MYO1F: variants seen among roughly 807,000 people sequenced by gnomAD.
The protein encoded by MYO1F is unconventional myosin-If.
Under a neutral mutation model 146.6 loss-of-function variants are expected in MYO1F, and 60 were observed. The observed-to-expected ratio is 0.41, with a 90% CI of 0.33 to 0.51. The LOEUF is 0.51. Among genes scored for constraint, MYO1F ranks in the 20% least tolerant of loss-of-function variants. The pLI is 0.25. For missense variants in MYO1F, 1,274 were observed against 1,534.3 expected (o/e 0.83, Z 2.83); for synonymous variants, 602 against 602.1 (o/e 1.00, Z 0.00).
In MYO1F at chr19:8,548,027, G is replaced by T. The variant is rs1477115400; in HGVS notation, c.1269+9C>A. On this transcript the variant is annotated intron_variant, in intron 12 of 27. Transcript: ENST00000644032. ...AGGATCCCCCATCCCTGACTGCTTG[G>T]CCGCCCACCTGCTCGGCCTTCAGGG... 2 of 1,601,592 alleles carry T rather than the reference G, an allele frequency of 1.2e-6. No homozygotes were observed. The highest frequency in any genetic ancestry group is 2.7e-5 in the African/African-American group (2 of 74,212).
chr19:8,549,833 C>T (rs1432302895), intron 10 of MYO1F: 1 of 416,270 alleles, frequency 2.4e-6, no homozygotes, highest in Non-Finnish European at 4.5e-6. Flanking sequence ...CAGGGTCTTG[C>T]TCTGTCACCC....
intron 16 of MYO1F, among the ~76,000 whole-genome samples, chr19:8,538,719 C>G (rs1972834992): frequency 6.6e-6 from 1 of 151,972 alleles, no homozygotes; most frequent in African/African-American, 2.4e-5. Context: ...TCCCAAGTAG[C>G]TGGGACCACA....
chr19:8,541,596 T>C, intron 15 of MYO1F: 1 of 377,860 alleles, frequency 2.6e-6, no homozygotes, highest in Non-Finnish European at 5.1e-6. Flanking sequence ...GCCTAGGTAA[T>C]TTTTATAATT....
chr19:8,574,577 T>TTCTTTCTTTCTCTCTC (rs1335184271), intron 1 of MYO1F, among the ~76,000 whole-genome samples: 29 of 79,776 alleles, frequency 3.6e-4, no homozygotes, highest in South Asian at 9.6e-4. Flanking sequence ...CTTTCTTTCT[T>TTCTTTCTTTCTCTCTC]TCTCTCTCTC....
Position 8,522,504 on chromosome 19 carries a change from A to G in MYO1F, c.3093T>C (p.Gly1031=). 1 of 1,613,540 alleles carries G rather than the reference A, an allele frequency of 6.2e-7. No individual in the cohort carries two copies. The highest frequency in any genetic ancestry group is 8.5e-7 in the Non-Finnish European group (1 of 1,179,886). The change falls in exon 27 of 28, where the codon GGT becomes GGC. Residue 1031 remains glycine (G), a synonymous_variant. Transcript: ENST00000644032. ...GAGGCTGGGGCTTGGGTCGGCCCAC[A>G]CCAGGCACTGGCCGTTGCCCCACGC... ...KRSVGQRPVP[G]VGRPKPQPRT...
At chr19:8,561,323 G>T (rs978322003) in intron 1 of MYO1F, among the ~76,000 whole-genome samples, 1 of 151,270 alleles carries the variant, frequency 6.6e-6, no homozygotes, top group African/African-American at 2.4e-5. Context: ...CCCTCACACT[G>T]CTCCTGGCCT....
chr19:8,550,450 A>T, intron 9 of MYO1F, 94 bp from the exon 10 acceptor site: 2 of 1,596,908 alleles, frequency 1.3e-6, no homozygotes, highest in Non-Finnish European at 8.5e-7. Context: ...TTGCCCAGTG[A>T]CACCCACATT....
chr19:8,544,458 G>T lies in MYO1F; in HGVS notation c.1363C>A (p.Pro455Thr). The change falls in exon 14 of 28, where the codon CCA (proline) becomes ACA (threonine). Residue 455 changes from proline to threonine, a missense_variant. Pro to Thr is a conservative substitution (Grantham distance 38). Around this residue, in one of 2 missense-constraint regions of MYO1F, gnomAD observed 900 missense variants for 1,155.1 expected, o/e 0.78. Coordinates refer to ENST00000644032, the MANE Select transcript of MYO1F (RefSeq NM_012335.4). ...CDLIENKLSP[P>T]GIMSVLDDVC... ...TCGTCCAAGACGCTCATGATGCCTG[G>T]GGGGCTCTGCGGGGCGAGCGGGAGC... 1 of 1,609,758 alleles carries T rather than the reference G, an allele frequency of 6.2e-7. No homozygotes were observed. The highest frequency in any genetic ancestry group is 1.1e-5 in the South Asian group (1 of 91,036).
chr19:8,556,155 A>G (rs1003337171), intron 1 of MYO1F, among the ~76,000 whole-genome samples: 20 of 151,334 alleles, frequency 1.3e-4, no homozygotes, highest in African/African-American at 4.6e-4. Flanking sequence ...CAGCCTCCCG[A>G]GTAGCTGGGA....
chr19:8,562,757 C>T (rs1225337413), intron 1 of MYO1F, among the ~76,000 whole-genome samples: 2 of 151,768 alleles, frequency 1.3e-5, no homozygotes, highest in African/African-American at 4.8e-5. Context: ...TGGTCTCTAA[C>T]TCCTGGGCTC....
At chr19:8,538,318 A>G (rs997018171) in intron 16 of MYO1F, among the ~76,000 whole-genome samples, 5 of 150,378 alleles carry the variant, frequency 3.3e-5, no homozygotes, top group Admixed American at 6.7e-5. Flanking sequence ...TATCTGAGAC[A>G]GGGTCTTGCT....
intron 1 of MYO1F, among the ~76,000 whole-genome samples, chr19:8,576,276 G>A (rs1214786620): frequency 4.6e-5 from 7 of 152,174 alleles, no homozygotes; most frequent in African/African-American, 1.7e-4. Context: ...TGGGATTACA[G>A]GCATGAGCCA....
chr19:8,534,835 C>T (rs921226394), intron 19 of MYO1F, among the ~76,000 whole-genome samples: 7 of 151,528 alleles, frequency 4.6e-5, no homozygotes, highest in East Asian at 3.9e-4. Flanking sequence ...CCATGTTGGT[C>T]GGGCTGGTCT....
In MYO1F at chr19:8,537,005, G is replaced by A. The variant is rs780145005; in HGVS notation, c.1743C>T (p.Tyr581=). ...TCTCGTTGGGTTTGATGCAGCGGAT[G>A]TAGTGGGGTGTGCACCTCATCAGTG... ...VATLMRCTPH[Y]IRCIKPNETK... The change falls in exon 17 of 28, where the codon TAC becomes TAT. Residue 581 remains tyrosine, a synonymous_variant. Transcript: ENST00000644032. 1.2e-6 allele frequency: 2 copies of A among 1,613,504 alleles called. No homozygotes were observed. The highest frequency in any genetic ancestry group is 1.7e-6 in the Non-Finnish European group (2 of 1,179,868).
intron 1 of MYO1F, among the ~76,000 whole-genome samples, chr19:8,559,131 C>T (rs1001242838): frequency 2.0e-5 from 3 of 151,792 alleles, no homozygotes; most frequent in African/African-American, 4.8e-5. Flanking sequence ...CTTCCTGCCT[C>T]GATCTTCCAA....
chr19:8,551,819 T>G lies in MYO1F; in HGVS notation c.692A>C (p.Asp231Ala), dbSNP rs1329855421. The G allele has an allele frequency of 1.9e-6, 3 of 1,614,022 alleles. No homozygotes were observed. Among genetic ancestry groups the G allele is most frequent in the Non-Finnish European group, 1.7e-6 (2 of 1,180,036 alleles). Residue 231 changes from aspartate to alanine, a missense_variant, in exon 8 of 28, where the codon GAC becomes GCC. Asp to Ala is a moderately radical substitution (Grantham distance 126). Around this residue, in one of 2 missense-constraint regions of MYO1F, gnomAD observed 900 missense variants for 1,155.1 expected, o/e 0.78. Transcript: ENST00000644032. ...QRQNLGLMTP[D>A]YYYYLNQSDT... ...CGATTGGTTGAGGTAGTAATAGTAG[T>G]CCGGTGTCATGAGGCCCAGGTTCTG...
Position 8,548,023 on chromosome 19 carries a change from C to T in MYO1F, c.1269+13G>A. 1 of 1,592,544 alleles carries T rather than the reference C, an allele frequency of 6.3e-7. No homozygotes were observed. Among genetic ancestry groups the T allele is most frequent in the South Asian group, 1.1e-5 (1 of 90,390 alleles). ...CCCCAGGATCCCCCATCCCTGACTG[C>T]TTGGCCGCCCACCTGCTCGGCCTTC... On this transcript the variant is annotated intron_variant, in intron 12 of 27. Transcript: ENST00000644032.
At chr19:8,546,988 CTCTT>C (rs1349089442) in intron 12 of MYO1F, among the ~76,000 whole-genome samples, 2 of 152,060 alleles carry the variant, frequency 1.3e-5, no homozygotes, top group South Asian at 4.1e-4. Flanking sequence ...CTCTCTCTCT[CTCTT>C]TGTTAAAAAA....
chr19:8,542,058 G>T, intron 14 of MYO1F, 67 bp from the exon 15 acceptor site: 2 of 1,282,914 alleles, frequency 1.6e-6, no homozygotes, highest in Non-Finnish European at 2.3e-6. Context: ...GGCGTGGGGT[G>T]CTTACAGCCC....
Sources: gnomAD v4.1 joint callset for allele counts (sites outside exome capture counted in the v4.1 genomes callset) on GRCh38, gnomAD v4.1.1 for gene constraint, gnomAD v4.1.1 regional missense constraint, MANE v1.5 for transcripts, NCBI Gene and HGNC (gene_info 2026-07-23, HGNC 2026-07-21) for gene names.